Variants in PBX3 observed in about 807,000 individuals in gnomAD.
The protein encoded by PBX3 is PBX homeobox 3.
In PBX3, 14 loss-of-function variants were observed where a neutral mutation model predicts 48.5. The ratio of observed to expected loss-of-function variants is 0.29; its 90% CI spans 0.19 to 0.45. PBX3 has a LOEUF of 0.45. PBX3 is among the 20% of genes least tolerant of loss of function. The probability of loss-of-function intolerance (pLI) is 1.00; values close to 1 mark genes in which losing one functional copy is unlikely to be tolerated. For synonymous variants in PBX3, 210 were observed against 200.3 expected, an observed-to-expected ratio of 1.05 and a Z score of -0.41; for missense variants, 386 against 546.7, an observed-to-expected ratio of 0.71 and a Z score of 2.93.
intron 2 of PBX3, among the ~76,000 whole-genome samples, chr9:125,882,506 T>C (rs1001066228): frequency 6.6e-6 from 1 of 152,182 alleles, no homozygotes; most frequent in Non-Finnish European, 1.5e-5. Flanking sequence ...AAGTGGGTGG[T>C]TGGGTATTTG....
At chr9:125,927,631 A>G (rs1251832237) in intron 3 of PBX3, among the ~76,000 whole-genome samples, 1 of 152,200 alleles carries the variant, frequency 6.6e-6, no homozygotes, top group East Asian at 1.9e-4. Flanking sequence ...CTGCATTTTT[A>G]AGAAAAATGC....
At chr9:125,890,104 C>G (rs894223880) in intron 2 of PBX3, among the ~76,000 whole-genome samples, 10 of 152,164 alleles carry the variant, frequency 6.6e-5, no homozygotes, top group African/African-American at 2.4e-4. Context: ...AAACCAGAAA[C>G]TTGATTTGAG....
intron 2 of PBX3, among the ~76,000 whole-genome samples, chr9:125,787,095 A>G (rs1039212442): frequency 6.6e-6 from 1 of 151,992 alleles, no homozygotes; most frequent in Non-Finnish European, 1.5e-5. Context: ...GCTGGAGTGC[A>G]GTAGCATGAT....
chr9:125,791,301 G>GTCTATCTA (rs61202902), intron 2 of PBX3, among the ~76,000 whole-genome samples: 24,729 of 108,616 alleles, frequency 0.23, 2,292 homozygotes, highest in African/African-American at 0.27. Flanking sequence ...CTGTCTGTCT[G>GTCTATCTA]TCTATCTATC....
intron 4 of PBX3, 75 bp from the exon 5 acceptor site, chr9:125,935,397 T>A (rs1012283195): frequency 5.4e-6 from 7 of 1,288,588 alleles, no homozygotes; most frequent in Non-Finnish European, 7.7e-6. Context: ...TTTTTTGGTA[T>A]CATCCTAATT....
At chr9:125,779,928 G>A (rs1330742745) in intron 2 of PBX3, among the ~76,000 whole-genome samples, 7 of 123,860 alleles carry the variant, frequency 5.7e-5, no homozygotes, top group East Asian at 7.4e-4. Flanking sequence ...GCGTCTGGCC[G>A]GGCGGGGGGC....
At chr9:125,836,013 T>C (rs1588201793) in intron 2 of PBX3, among the ~76,000 whole-genome samples, 1 of 152,226 alleles carries the variant, frequency 6.6e-6, no homozygotes, top group Non-Finnish European at 1.5e-5. Flanking sequence ...TGGAATGTTA[T>C]TTAGCCATGA....
chr9:125,857,990 A>G (rs1839766153), intron 2 of PBX3, among the ~76,000 whole-genome samples: 1 of 152,218 alleles, frequency 6.6e-6, no homozygotes, highest in Non-Finnish European at 1.5e-5. Flanking sequence ...TCATAAGAAT[A>G]TTTTCACCTA....
chr9:125,834,932 G>A lies in PBX3; in HGVS notation c.275-80754G>A, dbSNP rs1413801584. On this transcript the variant is annotated intron_variant, in intron 2 of 8. Transcript: ENST00000373489. Reference sequence around the variant, plus strand: ...TTCAGGAGGCTGAGGCAGGAGAATCGCTTGAATCTGGGAGGCAGAAGTTGC... The same window carrying A: ...TTCAGGAGGCTGAGGCAGGAGAATCACTTGAATCTGGGAGGCAGAAGTTGC... Among the ~76,000 whole-genome samples the A allele has an allele frequency of 2.9e-5, 4 of 138,870 alleles. No individual in the cohort carries two copies. The East Asian group carries it at 6.7e-4, about 23-fold the overall frequency. The allele number at this position is 138,870 out of a possible 152,430, so 91.1% of individuals were successfully genotyped here.
chr9:125,828,420 C>T (rs897500112), intron 2 of PBX3, among the ~76,000 whole-genome samples: 1 of 151,996 alleles, frequency 6.6e-6, no homozygotes, highest in African/African-American at 2.4e-5. Context: ...AAACAGAGCC[C>T]TATAAGAAGG....
At chr9:125,881,055 C>G (rs1436762081) in intron 2 of PBX3, among the ~76,000 whole-genome samples, 1 of 152,188 alleles carries the variant, frequency 6.6e-6, no homozygotes, top group African/African-American at 2.4e-5. Context: ...TTCACTTTGA[C>G]AGGAAATTCT....
At chr9:125,794,908 A>G (rs1438475626) in intron 2 of PBX3, among the ~76,000 whole-genome samples, 2 of 152,160 alleles carry the variant, frequency 1.3e-5, no homozygotes, top group Non-Finnish European at 2.9e-5. Flanking sequence ...CCTGTTCCTA[A>G]TGTTTGCACT....
At chr9:125,783,010 A>G (rs1414318156) in intron 2 of PBX3, among the ~76,000 whole-genome samples, 5 of 152,124 alleles carry the variant, frequency 3.3e-5, no homozygotes, top group Admixed American at 2.6e-4. Context: ...TTTGATTATA[A>G]TGTGTCTCAA....
Position 125,965,978 on chromosome 9 carries a change from A to G in PBX3, c.*55A>G, listed in dbSNP as rs77899191. 1,945 of 1,328,522 alleles carry G rather than the reference A, an allele frequency of 1.5e-3. 25 individuals carry two copies. The African/African-American group carries it at 0.022, about 15-fold the overall frequency. 82.3% of individuals were successfully genotyped at this position (1,328,522 alleles called of 1,614,324 possible). On this transcript the variant is annotated 3_prime_UTR_variant, in exon 9 of 9. Transcript: ENST00000373489. ...TGCCTTGATAAGTGCATTCAGAGCA[A>G]TAGGAGGAAAAGGAAAGCGTTTTTG...
At chr9:125,899,451 A>G (rs1185339342) in intron 2 of PBX3, among the ~76,000 whole-genome samples, 1 of 78,748 alleles carries the variant, frequency 1.3e-5, no homozygotes, top group East Asian at 3.8e-4. Context: ...GTATATATAT[A>G]TATAGAGAGA....
intron 5 of PBX3, among the ~76,000 whole-genome samples, chr9:125,953,284 C>T (rs1456094302): frequency 2.6e-5 from 4 of 152,040 alleles, no homozygotes; most frequent in Non-Finnish European, 5.9e-5. Flanking sequence ...CAAGAATACC[C>T]TGGGCAATAT....
chr9:125,846,843 C>T (rs1839437952), intron 2 of PBX3, among the ~76,000 whole-genome samples: 1 of 151,900 alleles, frequency 6.6e-6, no homozygotes, highest in Admixed American at 6.6e-5. Flanking sequence ...GTAAGGTCTA[C>T]TCATTGCAGT....
chr9:125,952,890 A>G (rs1200661977), intron 5 of PBX3, among the ~76,000 whole-genome samples: 2 of 152,224 alleles, frequency 1.3e-5, no homozygotes, highest in African/African-American at 4.8e-5. Context: ...AATTACTTCT[A>G]AACCCCACTG....
intron 2 of PBX3, among the ~76,000 whole-genome samples, chr9:125,872,857 A>G (rs1259154294): frequency 1.3e-5 from 2 of 151,604 alleles, no homozygotes; most frequent in Non-Finnish European, 2.9e-5. Flanking sequence ...AAGTGTAACA[A>G]TACTAGATAC....
Sources: gnomAD v4.1 joint callset for allele counts (sites outside exome capture counted in the v4.1 genomes callset) on GRCh38, gnomAD v4.1.1 for gene constraint, MANE v1.5 for transcripts, NCBI Gene and HGNC (gene_info 2026-07-23, HGNC 2026-07-21) for gene names.